Variants in BRINP3 observed in about 807,000 individuals in gnomAD.
BRINP3 encodes BMP/retinoic acid inducible neural specific 3.
BRINP3 carries 19 observed loss-of-function variants against 71.0 expected under a neutral mutation model. That is an observed-to-expected ratio of 0.27 (90% confidence interval 0.19 to 0.39). The LOEUF is 0.39. Among genes scored for constraint, BRINP3 ranks in the 10% least tolerant of loss-of-function variants. The pLI, the probability that BRINP3 is intolerant of heterozygous loss-of-function variation, is 1.00. For synonymous variants in BRINP3, 380 were observed against 337.7 expected (o/e 1.13, Z -1.37); for missense variants, 959 against 940.8 (o/e 1.02, Z -0.25).
chr1:190,140,850 T>C (rs1655372344), intron 7 of BRINP3, among the ~76,000 whole-genome samples: 1 of 152,168 alleles, frequency 6.6e-6, no homozygotes, highest in African/African-American at 2.4e-5. Flanking sequence ...ACACTCAAGT[T>C]TGCCAAATTT....
intron 5 of BRINP3, among the ~76,000 whole-genome samples, chr1:190,232,170 A>G (rs1658055677): frequency 6.6e-6 from 1 of 152,016 alleles, no homozygotes; most frequent in African/African-American, 2.4e-5. Flanking sequence ...CCAAATATCT[A>G]ACTAGCTAAC....
intron 2 of BRINP3, among the ~76,000 whole-genome samples, chr1:190,322,432 G>A (rs147935374): frequency 0.013 from 1,996 of 152,180 alleles, 29 homozygotes; most frequent in Middle Eastern, 0.024. Flanking sequence ...GTGCTCCACA[G>A]AGATGTAGAA....
intron 2 of BRINP3, among the ~76,000 whole-genome samples, chr1:190,386,436 ATAAT>A (rs1253065895): frequency 1.3e-5 from 2 of 151,722 alleles, no homozygotes; most frequent in African/African-American, 4.8e-5. Flanking sequence ...GTATATATTA[ATAAT>A]TAAGTTTTAT....
Position 190,392,953 on chromosome 1 carries a change from C to A in BRINP3, c.236+61702G>T, listed in dbSNP as rs186528970. ...AGTTACTATACTTTGTAGTTATGGC[C>A]AGACTTGAATCAAATTATTGGGGAT... On this transcript the variant is annotated intron_variant, in intron 2 of 7. Transcript: ENST00000367462. Among the ~76,000 whole-genome samples the A allele has an allele frequency of 4.2e-3, 630 of 151,522 alleles. 2 individuals are homozygous for A. Among genetic ancestry groups the A allele is most frequent in the Non-Finnish European group, 5.5e-3 (374 of 67,686 alleles).
intron 6 of BRINP3, among the ~76,000 whole-genome samples, chr1:190,165,731 CG>C (rs1446259826): frequency 6.6e-6 from 1 of 150,996 alleles, no homozygotes; most frequent in Non-Finnish European, 1.5e-5. Flanking sequence ...TCAAAAACCT[CG>C]ACACTACAGA....
intron 2 of BRINP3, among the ~76,000 whole-genome samples, chr1:190,344,950 T>C (rs903356824): frequency 2.0e-5 from 3 of 151,936 alleles, no homozygotes; most frequent in African/African-American, 7.2e-5. Flanking sequence ...GTGAGAACTA[T>C]ATAATTGGCT....
At chr1:190,459,896 T>G (rs769858555) in intron 1 of BRINP3, among the ~76,000 whole-genome samples, 3 of 151,996 alleles carry the variant, frequency 2.0e-5, no homozygotes, top group Non-Finnish European at 2.9e-5. Context: ...GTCACCAGTT[T>G]TGTTTTCTTT....
intron 2 of BRINP3, among the ~76,000 whole-genome samples, chr1:190,425,495 G>C (rs1673643945): frequency 6.6e-6 from 1 of 151,708 alleles, no homozygotes; most frequent in African/African-American, 2.4e-5. Context: ...CAGTATGCTA[G>C]AACTAAGAAA....
chr1:190,298,390 T>G (rs1416464909), intron 2 of BRINP3, among the ~76,000 whole-genome samples: 3 of 152,126 alleles, frequency 2.0e-5, no homozygotes, highest in African/African-American at 7.2e-5. Flanking sequence ...TTAATTTTGC[T>G]TTTTAAAGAT....
intron 6 of BRINP3, among the ~76,000 whole-genome samples, chr1:190,222,684 A>G (rs1458634539): frequency 1.3e-5 from 2 of 151,902 alleles, no homozygotes. Flanking sequence ...TAAAATAAGA[A>G]ATGAAAAAGG....
At chr1:190,200,959 AG>A (rs1170359088) in intron 6 of BRINP3, among the ~76,000 whole-genome samples, 1 of 152,164 alleles carries the variant, frequency 6.6e-6, no homozygotes, top group Non-Finnish European at 1.5e-5. Context: ...ATGAAAACGG[AG>A]TAAAACAGTA....
chr1:190,337,486 G>A lies in BRINP3; in HGVS notation c.237-55736C>T, dbSNP rs147813985. On this transcript the variant is annotated intron_variant, in intron 2 of 7. Coordinates refer to ENST00000367462, the MANE Select transcript of BRINP3 (RefSeq NM_199051.3). ...GCCAGCATGGCTAGGATAAAAGCAG[G>A]CAGAGGAACATGGAAGGGCTAGACT... Among the ~76,000 whole-genome samples, 828 of 152,172 alleles carry A rather than the reference G, an allele frequency of 5.4e-3. 5 individuals carry two copies. The highest frequency in any genetic ancestry group is 0.018 in the African/African-American group (757 of 41,556).
At chr1:190,191,308 T>C (rs1571317418) in intron 6 of BRINP3, among the ~76,000 whole-genome samples, 1 of 151,908 alleles carries the variant, frequency 6.6e-6, no homozygotes, top group Non-Finnish European at 1.5e-5. Flanking sequence ...AGGAAAAAAA[T>C]GGATACATGT....
intron 7 of BRINP3, among the ~76,000 whole-genome samples, chr1:190,156,987 A>C (rs553457306): frequency 6.6e-6 from 1 of 152,108 alleles, no homozygotes; most frequent in South Asian, 2.1e-4. Context: ...TGTGGCTTCC[A>C]TGATATATTT....
chr1:190,308,231 C>T (rs567468448), intron 2 of BRINP3, among the ~76,000 whole-genome samples: 1 of 150,022 alleles, frequency 6.7e-6, no homozygotes, highest in African/African-American at 2.5e-5. Context: ...TTAACGGCAA[C>T]CTAAACATAA....
intron 2 of BRINP3, among the ~76,000 whole-genome samples, chr1:190,347,884 G>C (rs1668126019): frequency 6.6e-6 from 1 of 152,072 alleles, no homozygotes; most frequent in Non-Finnish European, 1.5e-5. Context: ...ATCTTTTACA[G>C]TAGGTGGCCA....
chr1:190,388,901 C>T (rs981899148), intron 2 of BRINP3, among the ~76,000 whole-genome samples: 1 of 151,488 alleles, frequency 6.6e-6, no homozygotes, highest in East Asian at 1.9e-4. Flanking sequence ...ATATTATATC[C>T]AAGTAGATAG....
At chr1:190,462,631 A>T (rs1005609379) in intron 1 of BRINP3, among the ~76,000 whole-genome samples, 1 of 152,102 alleles carries the variant, frequency 6.6e-6, no homozygotes, top group Non-Finnish European at 1.5e-5. Flanking sequence ...AACAAAATTA[A>T]CACCTTTTTA....
intron 2 of BRINP3, among the ~76,000 whole-genome samples, chr1:190,427,867 T>G (rs1673824706): frequency 6.6e-6 from 1 of 151,762 alleles, no homozygotes; most frequent in African/African-American, 2.4e-5. Flanking sequence ...ATTAGGTTTT[T>G]TTTTTTTTTC....
Sources: gnomAD v4.1 joint callset for allele counts (sites outside exome capture counted in the v4.1 genomes callset) on GRCh38, gnomAD v4.1.1 for gene constraint, MANE v1.5 for transcripts, NCBI Gene and HGNC (gene_info 2026-07-23, HGNC 2026-07-21) for gene names.